Variants in SNTG1 observed in about 807,000 individuals in gnomAD.
SNTG1 encodes the protein gamma-1-syntrophin.
Under a neutral mutation model 74.7 loss-of-function variants are expected in SNTG1, and 39 were observed. The ratio of observed to expected loss-of-function variants is 0.52; its 90% CI spans 0.40 to 0.68. SNTG1 has a LOEUF of 0.68. SNTG1 is among the 30% of genes least tolerant of loss of function. SNTG1 has a pLI of 0.00. For missense variants in SNTG1, 685 were observed against 609.5 expected (o/e 1.12, Z -1.30); for synonymous variants, 254 against 217.1 (o/e 1.17, Z -1.49).
At chr8:50,351,162 A>G (rs1241098015) in intron 2 of SNTG1, among the ~76,000 whole-genome samples, 1 of 152,180 alleles carries the variant, frequency 6.6e-6, no homozygotes, top group Non-Finnish European at 1.5e-5. Flanking sequence ...CTTATTAAGG[A>G]TGCCTGTGTT....
chr8:50,089,597 G>C (rs1469127309), intron 1 of SNTG1, among the ~76,000 whole-genome samples: 2 of 152,116 alleles, frequency 1.3e-5, no homozygotes, highest in African/African-American at 4.8e-5. Context: ...GTGGGCGAAA[G>C]ACATGAACAG....
chr8:50,083,239 A>T (rs889786109), intron 1 of SNTG1, among the ~76,000 whole-genome samples: 6 of 152,134 alleles, frequency 3.9e-5, no homozygotes, highest in Non-Finnish European at 5.9e-5. Flanking sequence ...AGAGCTCTAA[A>T]ACTGCTGATT....
At chr8:50,311,628 A>C (rs923984639) in intron 2 of SNTG1, among the ~76,000 whole-genome samples, 1 of 152,208 alleles carries the variant, frequency 6.6e-6, no homozygotes, top group African/African-American at 2.4e-5. Flanking sequence ...AATTCTGAAA[A>C]TATATTTCAA....
intron 2 of SNTG1, among the ~76,000 whole-genome samples, chr8:50,328,134 T>C (rs955398553): frequency 2.0e-5 from 3 of 152,218 alleles, no homozygotes; most frequent in African/African-American, 2.4e-5. Flanking sequence ...TAATTATTTT[T>C]CTTTATGCAG....
chr8:50,591,835 T>G (rs2094693690), intron 13 of SNTG1, among the ~76,000 whole-genome samples: 2 of 152,296 alleles, frequency 1.3e-5, no homozygotes, highest in South Asian at 4.1e-4. Flanking sequence ...CCTCCTACCT[T>G]AAGTCCCTCT....
At chr8:50,401,601 GTGTA>G (rs1364852790) in intron 3 of SNTG1, among the ~76,000 whole-genome samples, 2 of 151,976 alleles carry the variant, frequency 1.3e-5, no homozygotes, top group African/African-American at 4.8e-5. Flanking sequence ...GTGTGTGTGT[GTGTA>G]TGTGAGTGCG....
intron 1 of SNTG1, among the ~76,000 whole-genome samples, chr8:49,917,616 C>G (rs1000289798): frequency 2.0e-5 from 3 of 152,170 alleles, no homozygotes; most frequent in Admixed American, 1.3e-4. Flanking sequence ...TGGCTCTGAT[C>G]AACTACCGCT....
Position 50,317,823 on chromosome 8 carries a change from T to C in SNTG1, c.-27-76389T>C, listed in dbSNP as rs28703939. Among the ~76,000 whole-genome samples, 786 of 152,250 alleles carry C rather than the reference T, an allele frequency of 5.2e-3. 5 individuals are homozygous for C. Among genetic ancestry groups the C allele is most frequent in the African/African-American group, 0.018 (748 of 41,548 alleles). ...AGTACTATCTCTATGACATCACTTA[T>C]TGTCTGAGTTGTTTTTTTGTTTGTT... On this transcript the variant is annotated intron_variant, in intron 2 of 18. Coordinates refer to ENST00000642720, the MANE Select transcript of SNTG1 (RefSeq NM_018967.5).
chr8:50,675,030 CTGTT>C (rs537923665), intron 15 of SNTG1, among the ~76,000 whole-genome samples: 8 of 152,084 alleles, frequency 5.3e-5, no homozygotes, highest in South Asian at 4.1e-4. Flanking sequence ...GTCTAAGAGA[CTGTT>C]TGTTATGATT....
Position 50,476,857 on chromosome 8 carries a change from GAC to G in SNTG1, c.364-25893_364-25892del, listed in dbSNP as rs59121229. 8.0e-3 allele frequency among the ~76,000 whole-genome samples: 1,165 copies of G among 145,964 alleles called. 23 individuals are homozygous for G. The South Asian group carries it at 0.082, about 10-fold the overall frequency. ...ACAAAATGAGCCTGTGACACACACA[GAC>G]ACACACACACACACACACACACACA... On this transcript the variant is annotated intron_variant, in intron 8 of 18. Transcript: ENST00000642720.
At chr8:50,352,271 CCT>C (rs2091684138) in intron 2 of SNTG1, among the ~76,000 whole-genome samples, 1 of 152,060 alleles carries the variant, frequency 6.6e-6, no homozygotes, top group South Asian at 2.1e-4. Context: ...CTAATGTGTC[CCT>C]GTTTTAATTG....
At chr8:50,773,295 C>T (rs1462619777) in intron 18 of SNTG1, among the ~76,000 whole-genome samples, 2 of 152,080 alleles carry the variant, frequency 1.3e-5, no homozygotes, top group Non-Finnish European at 2.9e-5. Flanking sequence ...TTAGAAGCTC[C>T]AATACATTCC....
At chr8:50,245,989 G>T (rs2086382269) in intron 2 of SNTG1, among the ~76,000 whole-genome samples, 3 of 151,532 alleles carry the variant, frequency 2.0e-5, no homozygotes, top group Non-Finnish European at 2.9e-5. Flanking sequence ...CAAAAGCCAT[G>T]GTCAATATAA....
intron 18 of SNTG1, among the ~76,000 whole-genome samples, chr8:50,778,581 T>C (rs1394698717): frequency 1.3e-5 from 2 of 152,032 alleles, no homozygotes; most frequent in African/African-American, 2.4e-5. Context: ...TTGTTTGAGT[T>C]CATAGTAGAT....
chr8:50,552,746 G>C (rs192005991), intron 11 of SNTG1, among the ~76,000 whole-genome samples: 1 of 152,136 alleles, frequency 6.6e-6, no homozygotes, highest in Non-Finnish European at 1.5e-5. Flanking sequence ...ACTGGGAAAA[G>C]AATGCATCTA....
At chr8:50,213,215 G>C (rs1185442413) in intron 2 of SNTG1, among the ~76,000 whole-genome samples, 1 of 152,166 alleles carries the variant, frequency 6.6e-6, no homozygotes, top group East Asian at 1.9e-4. Flanking sequence ...ATGTGTGGAG[G>C]TGGCAAAATC....
intron 13 of SNTG1, among the ~76,000 whole-genome samples, chr8:50,652,516 G>A (rs1453136485): frequency 2.6e-5 from 4 of 151,994 alleles, no homozygotes; most frequent in Non-Finnish European, 5.9e-5. Context: ...TATGTTATCA[G>A]GCCGGTGCAG....
intron 2 of SNTG1, among the ~76,000 whole-genome samples, chr8:50,378,536 G>A: frequency 6.6e-6 from 1 of 152,172 alleles, no homozygotes; most frequent in East Asian, 1.9e-4. Flanking sequence ...CAGACAAGTG[G>A]AGGGTGAGCA....
chr8:50,623,645 C>A (rs1403655216), intron 13 of SNTG1, among the ~76,000 whole-genome samples: 4 of 151,806 alleles, frequency 2.6e-5, no homozygotes, highest in Admixed American at 2.0e-4. Flanking sequence ...TATATCATGA[C>A]TTTTTGAAAA....
Sources: allele counts gnomAD v4.1 joint callset (sites outside exome capture counted in the v4.1 genomes callset), GRCh38; gene constraint gnomAD v4.1.1; transcripts MANE v1.5; gene names NCBI Gene and HGNC (gene_info 2026-07-23, HGNC 2026-07-21).